CDIP1: variants seen among roughly 807,000 people sequenced by gnomAD.
CDIP1 encodes the protein cell death-inducing p53-target protein 1.
CDIP1 carries 9 observed loss-of-function variants against 17.7 expected under a neutral mutation model. That is an observed-to-expected ratio of 0.51 (90% CI 0.31 to 0.89). The LOEUF (loss-of-function observed/expected upper bound fraction) is 0.89. Ranked by LOEUF, CDIP1 falls within the 40% of genes least tolerant of loss-of-function variation. The pLI is 0.05. For synonymous variants in CDIP1, 117 were observed against 109.5 expected (o/e 1.07, Z -0.43); for missense variants, 263 against 277.9 (o/e 0.95, Z 0.38).
rs1013457723 is a variant in CDIP1, at chr16:4,513,333, C to G, written c.242-269G>C. Among the ~76,000 whole-genome samples the G allele has an allele frequency of 6.6e-6, 1 of 152,064 alleles. No homozygotes were observed. Among genetic ancestry groups the G allele is most frequent in the Non-Finnish European group, 1.5e-5 (1 of 68,024 alleles). On this transcript the variant is annotated intron_variant, in intron 4 of 5. Coordinates refer to ENST00000567695, the MANE Select transcript of CDIP1 (RefSeq NM_013399.3). This position sits in a 1 kb window ranked among gnomAD's most constrained non-coding sequence, Gnocchi z 4.1. ...GAGCCAGGCACATGGCCCGGTCCCT[C>G]TGCTCCTCTGTCTGTCTCCAGCATG...
At chr16:4,521,789 C>G (rs2058952288) in intron 1 of CDIP1, among the ~76,000 whole-genome samples, 1 of 151,632 alleles carries the variant, frequency 6.6e-6, no homozygotes, top group South Asian at 2.1e-4. Context: ...CACTTTCCAG[C>G]TGAGCGAGCT....
chr16:4,525,795 G>A (rs958660410), intron 1 of CDIP1, among the ~76,000 whole-genome samples: 18 of 152,182 alleles, frequency 1.2e-4, no homozygotes, highest in Non-Finnish European at 5.9e-5. Context: ...CTCTGGGACC[G>A]TTGTCCTCGG....
At chr16:4,530,779 T>G (rs568839866) in intron 1 of CDIP1, among the ~76,000 whole-genome samples, 3 of 152,050 alleles carry the variant, frequency 2.0e-5, no homozygotes, top group East Asian at 1.9e-4. Context: ...AGTTCAAAGC[T>G]GCAGTGAACT....
At chr16:4,517,792 G>A (rs1306407860) in intron 1 of CDIP1, among the ~76,000 whole-genome samples, 3 of 151,946 alleles carry the variant, frequency 2.0e-5, no homozygotes, top group African/African-American at 7.2e-5. Context: ...GTGCCTCTTG[G>A]GGCTGGTCCT....
rs777964571 is a variant in CDIP1, at chr16:4,514,240, T to C, written c.-14-96A>G. On this transcript the variant is annotated intron_variant, in intron 2 of 5. Transcript: ENST00000567695. This position sits in a 1 kb window ranked among gnomAD's most constrained non-coding sequence, Gnocchi z 5.2. ...GGTGGCCAAGATGCTGCACAAGGCGTGTGACCATCCTCAGAAGGGTCTGCC... is the reference window on the plus strand; with the variant it reads ...GGTGGCCAAGATGCTGCACAAGGCGCGTGACCATCCTCAGAAGGGTCTGCC... The C allele has an allele frequency of 6.7e-5, 46 of 688,980 alleles. No homozygotes were observed. The highest frequency in any genetic ancestry group is 9.9e-5 in the Non-Finnish European group (41 of 414,152). 42.7% of individuals were successfully genotyped at this position (688,980 alleles called of 1,614,324 possible). A position where few individuals can be genotyped will look rare whatever the true frequency, so the allele number is the denominator to read the frequency against.
intron 1 of CDIP1, among the ~76,000 whole-genome samples, chr16:4,527,511 A>G (rs2059012361): frequency 6.6e-6 from 1 of 152,106 alleles, no homozygotes; most frequent in South Asian, 2.1e-4. Flanking sequence ...AATTTATATC[A>G]TGCTGAATTT....
At chr16:4,521,161 G>A (rs1202380059) in intron 1 of CDIP1, among the ~76,000 whole-genome samples, 1 of 152,104 alleles carries the variant, frequency 6.6e-6, no homozygotes, top group Non-Finnish European at 1.5e-5. Context: ...GCACAGTGTG[G>A]TGCCAGTCTT....
chr16:4,537,255 A>G (rs915586305), intron 1 of CDIP1, among the ~76,000 whole-genome samples: 1 of 152,210 alleles, frequency 6.6e-6, no homozygotes, highest in Non-Finnish European at 1.5e-5. Context: ...TGTTAACTCT[A>G]CATTCTAGGT....
chr16:4,513,966 C>T lies in CDIP1; in HGVS notation c.85+80G>A. ...GGCCCAGGGGTAACCCTGGAGTGGG[C>T]ATCACCACTTAGAGAGTCCCAACCA... On this transcript the variant is annotated intron_variant, in intron 3 of 5. Coordinates refer to ENST00000567695, the MANE Select transcript of CDIP1 (RefSeq NM_013399.3). The surrounding 1 kb of genome is among the most constrained non-coding windows in gnomAD (Gnocchi z 4.1). The T allele has an allele frequency of 7.5e-7, 1 of 1,332,930 alleles. No homozygotes were observed. Among genetic ancestry groups the T allele is most frequent in the Non-Finnish European group, 1.0e-6 (1 of 978,804 alleles). 82.6% of individuals were successfully genotyped at this position (1,332,930 alleles called of 1,614,324 possible).
intron 1 of CDIP1, chr16:4,538,260 C>T (rs997306303): frequency 6.6e-6 from 1 of 152,140 alleles, no homozygotes; most frequent in Non-Finnish European, 1.5e-5. Context: ...CGCTAGGTCT[C>T]GGCAGCGCCC....
intron 1 of CDIP1, among the ~76,000 whole-genome samples, chr16:4,528,655 T>C (rs969498638): frequency 8.4e-6 from 1 of 118,574 alleles, no homozygotes; most frequent in African/African-American, 3.4e-5. Context: ...CACTCTAGCA[T>C]GGACAACAGT....
chr16:4,526,623 C>T (rs2059003485), intron 1 of CDIP1, among the ~76,000 whole-genome samples: 1 of 151,694 alleles, frequency 6.6e-6, no homozygotes, highest in African/African-American at 2.4e-5. Context: ...TGGTGCAAAC[C>T]CGGGAGGCGG....
At chr16:4,538,571 G>C (rs1381477765) in intron 1 of CDIP1, 131 bp downstream of exon 1, 1 of 152,368 alleles carries the variant, frequency 6.6e-6, no homozygotes, top group Non-Finnish European at 1.5e-5. Flanking sequence ...AGGCGCCGCG[G>C]GCGGGGGCGG....
At chr16:4,528,746 T>C (rs750857078) in intron 1 of CDIP1, among the ~76,000 whole-genome samples, 1 of 150,110 alleles carries the variant, frequency 6.7e-6, no homozygotes, top group Non-Finnish European at 1.5e-5. Flanking sequence ...CCCAGCACTT[T>C]GGGAGGCTGA....
intron 1 of CDIP1, chr16:4,538,389 G>C (rs991734036): frequency 6.6e-6 from 1 of 152,320 alleles, no homozygotes; most frequent in Non-Finnish European, 1.5e-5. Context: ...GACAGGCGCC[G>C]GCAGAACAAG....
In CDIP1 at chr16:4,514,022, G is replaced by A. The variant is rs2058862470; in HGVS notation, c.85+24C>T. 2 of 1,441,266 alleles carry A rather than the reference G, an allele frequency of 1.4e-6. No individual in the cohort carries two copies. Among genetic ancestry groups the A allele is most frequent in the Non-Finnish European group, 1.9e-6 (2 of 1,075,286 alleles). The allele number at this position is 1,441,266 out of a possible 1,614,324, so 89.3% of individuals were successfully genotyped here. A position where few individuals can be genotyped will look rare whatever the true frequency, so the allele number is the denominator to read the frequency against. On this transcript the variant is annotated intron_variant, in intron 3 of 5. Transcript: ENST00000567695. This position sits in a 1 kb window ranked among gnomAD's most constrained non-coding sequence, Gnocchi z 5.2. ...TGGCGGCAGGGGGCTGCAATATGGA[G>A]CCTCAGGAACAGTGACCCCCTACCT...
At chr16:4,523,586 A>C (rs1257584618) in intron 1 of CDIP1, among the ~76,000 whole-genome samples, 2 of 152,112 alleles carry the variant, frequency 1.3e-5, no homozygotes, top group African/African-American at 4.8e-5. Flanking sequence ...AGCGTTAAAT[A>C]ATCACCCCCC....
Position 4,538,049 on chromosome 16 carries a change from C to T in CDIP1, c.-105+653G>A, listed in dbSNP as rs373993163. Among the ~76,000 whole-genome samples the T allele has an allele frequency of 1.2e-4, 19 of 152,300 alleles. No individual in the cohort carries two copies. In the East Asian group the frequency reaches 3.7e-3, roughly 30 times the overall value. On this transcript the variant is annotated intron_variant, in intron 1 of 5. Transcript: ENST00000567695. Reference sequence around the variant, plus strand: ...CTCGGCCACGGGGCTCCTCCTCGACCCCCTTTCCTTGAGAAAACAACTCCC... The same window carrying T: ...CTCGGCCACGGGGCTCCTCCTCGACTCCCTTTCCTTGAGAAAACAACTCCC...
intron 1 of CDIP1, chr16:4,536,377 C>T (rs570998086): frequency 1.3e-5 from 2 of 152,268 alleles, no homozygotes; most frequent in African/African-American, 4.8e-5. Context: ...ACTACACACC[C>T]CAGTTCCCCT....
Sources: allele counts gnomAD v4.1 joint callset (sites outside exome capture counted in the v4.1 genomes callset), GRCh38; gene constraint gnomAD v4.1.1; non-coding constraint Gnocchi (gnomAD v3.1); transcripts MANE v1.5; gene names NCBI Gene and HGNC (gene_info 2026-07-23, HGNC 2026-07-21).